Variants in YPEL1 observed in about 807,000 individuals in gnomAD.
YPEL1 encodes the protein yippee like 1, also known as protein yippee-like 1.
YPEL1 carries 7 observed loss-of-function variants against 17.3 expected under a neutral mutation model. The ratio of observed to expected loss-of-function variants is 0.40; its 90% CI spans 0.23 to 0.76. The LOEUF is 0.76. Ranked by LOEUF, YPEL1 falls within the 30% of genes least tolerant of loss-of-function variation. YPEL1 has a pLI of 0.35. For synonymous variants in YPEL1, 59 were observed against 59.6 expected (o/e 0.99, Z 0.05); for missense variants, 91 against 155.5 (o/e 0.59, Z 2.21).
chr22:21,728,296 C>T (rs537384930), intron 1 of YPEL1, among the ~76,000 whole-genome samples: 1 of 152,242 alleles, frequency 6.6e-6, no homozygotes, highest in Admixed American at 6.5e-5. Flanking sequence ...CCTCTCCCAC[C>T]CCTCACTGGC....
At chr22:21,712,324 C>T (rs529776534) in intron 1 of YPEL1, among the ~76,000 whole-genome samples, 10 of 141,704 alleles carry the variant, frequency 7.1e-5, no homozygotes, top group African/African-American at 2.6e-4. Flanking sequence ...TACATATTCT[C>T]TATATATCCA....
chr22:21,705,187 C>G (rs1164772034), intron 2 of YPEL1, among the ~76,000 whole-genome samples: 1 of 152,192 alleles, frequency 6.6e-6, no homozygotes, highest in African/African-American at 2.4e-5. Flanking sequence ...CCATGTTGGC[C>G]AGGCTGGTTT....
In YPEL1 at chr22:21,710,682, G is replaced by A; in HGVS notation, c.63C>T (p.Tyr21=). ...GGTGTGCTCTGCAGTGGATACAGCT[G>A]TACGTTCGGTGACAGTTCGGCAGAT... ...QAYLPNCHRT[Y]SCIHCRAHLA... Residue 21 remains tyrosine (Y), a synonymous_variant, in exon 2 of 5, where the codon TAC becomes TAT. Transcript: ENST00000339468. The A allele has an allele frequency of 6.2e-7, 1 of 1,614,244 alleles. No homozygotes were observed. The highest frequency in any genetic ancestry group is 1.3e-5 in the African/African-American group (1 of 75,060).
intron 1 of YPEL1, among the ~76,000 whole-genome samples, chr22:21,714,036 A>ACCCCCCCCCCCCCCCC (rs201751159): frequency 6.6e-6 from 1 of 150,608 alleles, no homozygotes; most frequent in African/African-American, 2.5e-5. Context: ...CCTGAGATGC[A>ACCCCCCCCCCCCCCCC]CCCCCCACCG....
intron 1 of YPEL1, among the ~76,000 whole-genome samples, chr22:21,722,247 T>G (rs948412519): frequency 6.6e-6 from 1 of 152,102 alleles, no homozygotes; most frequent in Non-Finnish European, 1.5e-5. Flanking sequence ...TGAAACCCCA[T>G]CTCTACTAAA....
intron 2 of YPEL1, among the ~76,000 whole-genome samples, chr22:21,708,134 C>A (rs1203614525): frequency 6.6e-6 from 1 of 151,980 alleles, no homozygotes; most frequent in Non-Finnish European, 1.5e-5. Context: ...CTCAATGAAT[C>A]CTCATCAGAA....
chr22:21,703,237 C>A lies in YPEL1; in HGVS notation c.270+133G>T, dbSNP rs2068082624. 5.2e-6 allele frequency: 4 copies of A among 762,786 alleles called. No homozygotes were observed. In the East Asian group the frequency reaches 1.1e-4, roughly 20 times the overall value. The allele number at this position is 762,786 out of a possible 1,614,324, so 47.3% of individuals were successfully genotyped here. On this transcript the variant is annotated intron_variant, in intron 4 of 4. Coordinates refer to ENST00000339468, the MANE Select transcript of YPEL1 (RefSeq NM_013313.5). This position sits in a 1 kb window ranked among gnomAD's most constrained non-coding sequence, Gnocchi z 6.1. Reference sequence around the variant, plus strand: ...CCTCACTGGAGTCTGGACTTCCCACCTCGGCTGAGGAACTGGGGTTTCTGA... The same window carrying A: ...CCTCACTGGAGTCTGGACTTCCCACATCGGCTGAGGAACTGGGGTTTCTGA...
chr22:21,714,982 C>T (rs925012736), intron 1 of YPEL1, among the ~76,000 whole-genome samples: 20 of 152,062 alleles, frequency 1.3e-4, no homozygotes, highest in African/African-American at 4.6e-4. Flanking sequence ...TAAGCCATAT[C>T]GGTCGTGGAA....
Position 21,699,400 on chromosome 22 carries a change from A to C in YPEL1, c.*1729T>G, listed in dbSNP as rs899860620. 45 of 152,396 alleles carry C rather than the reference A, an allele frequency of 3.0e-4. No individual in the cohort carries two copies. The highest frequency in any genetic ancestry group is 1.0e-3 in the African/African-American group (43 of 41,412). 9.4% of individuals were successfully genotyped at this position (152,396 alleles called of 1,614,324 possible). On this transcript the variant is annotated 3_prime_UTR_variant, in exon 5 of 5. Transcript: ENST00000339468. Reference sequence around the variant, plus strand: ...ATGTTGAAAACCAAACTTATCTGGGAGTGGTTTTTGACCTCCATCCTCTGC... The same window carrying C: ...ATGTTGAAAACCAAACTTATCTGGGCGTGGTTTTTGACCTCCATCCTCTGC...
chr22:21,714,195 T>G (rs1369984792), intron 1 of YPEL1, among the ~76,000 whole-genome samples: 1 of 151,986 alleles, frequency 6.6e-6, no homozygotes, highest in African/African-American at 2.4e-5. Context: ...AAGATGTGTG[T>G]GGGCAGAACG....
Position 21,703,199 on chromosome 22 carries a change from T to A in YPEL1, c.270+171A>T, listed in dbSNP as rs2068082326. On this transcript the variant is annotated intron_variant, in intron 4 of 4. Coordinates refer to ENST00000339468, the MANE Select transcript of YPEL1 (RefSeq NM_013313.5). This position sits in a 1 kb window ranked among gnomAD's most constrained non-coding sequence, Gnocchi z 6.1. Reference sequence around the variant, plus strand: ...CACTGTCACCCAGGCTGGAGGGCAGTGGTGAGACCATGCCTCACTGGAGTC... The same window carrying A: ...CACTGTCACCCAGGCTGGAGGGCAGAGGTGAGACCATGCCTCACTGGAGTC... Among the ~76,000 whole-genome samples the A allele has an allele frequency of 6.6e-6, 1 of 152,142 alleles. No individual in the cohort carries two copies. The highest frequency in any genetic ancestry group is 2.1e-4 in the South Asian group (1 of 4,832).
At chr22:21,710,058 G>A (rs79423745) in intron 2 of YPEL1, among the ~76,000 whole-genome samples, 4,309 of 152,146 alleles carry the variant, frequency 0.028, 86 homozygotes, top group Admixed American at 0.044. Context: ...GATGATCAAC[G>A]CCACACACTG....
chr22:21,714,277 G>A (rs1324562808), intron 1 of YPEL1, among the ~76,000 whole-genome samples: 3 of 152,162 alleles, frequency 2.0e-5, no homozygotes, highest in Non-Finnish European at 2.9e-5. Context: ...ACTGGGACCC[G>A]GTCACCACGG....
In YPEL1 at chr22:21,698,229, A is replaced by C. The variant is rs185976908; in HGVS notation, c.*2900T>G. ...GTATTTTGCAGAAGCCCAACAAAAA[A>C]AAAGTGATAAAAGTGTTGTTGGTAT... On this transcript the variant is annotated 3_prime_UTR_variant, in exon 5 of 5. Coordinates refer to ENST00000339468, the MANE Select transcript of YPEL1 (RefSeq NM_013313.5). 1 of 151,228 alleles carries C rather than the reference A, an allele frequency of 6.6e-6. No individual in the cohort carries two copies. Among genetic ancestry groups the C allele is most frequent in the African/African-American group, 2.4e-5 (1 of 41,002 alleles). 9.4% of individuals were successfully genotyped at this position (151,228 alleles called of 1,614,324 possible). A position where few individuals can be genotyped will look rare whatever the true frequency, so the allele number is the denominator to read the frequency against.
chr22:21,707,772 TATC>T (rs1459820420), intron 2 of YPEL1, among the ~76,000 whole-genome samples: 2 of 152,218 alleles, frequency 1.3e-5, no homozygotes, highest in African/African-American at 4.8e-5. Context: ...AGAGCTGTCT[TATC>T]AGAGTTGGCG....
intron 2 of YPEL1, among the ~76,000 whole-genome samples, chr22:21,706,412 G>A (rs2148598080): frequency 6.6e-6 from 1 of 150,948 alleles, no homozygotes; most frequent in African/African-American, 2.4e-5. Context: ...TCCAGACTGG[G>A]CTACCGAGTC....
intron 2 of YPEL1, among the ~76,000 whole-genome samples, chr22:21,704,347 C>T (rs1194480089): frequency 2.0e-5 from 3 of 152,158 alleles, no homozygotes; most frequent in Non-Finnish European, 4.4e-5. Flanking sequence ...CATATTTTCC[C>T]ACTGAAATGT....
At chr22:21,725,597 G>C (rs1196304828) in intron 1 of YPEL1, among the ~76,000 whole-genome samples, 1 of 152,094 alleles carries the variant, frequency 6.6e-6, no homozygotes. Flanking sequence ...AAAAATCACT[G>C]ACTAGTGTCC....
At chr22:21,704,613 C>T (rs1382464532) in intron 2 of YPEL1, among the ~76,000 whole-genome samples, 1 of 148,980 alleles carries the variant, frequency 6.7e-6, no homozygotes, top group African/African-American at 2.5e-5. Flanking sequence ...GCCAAGATTG[C>T]GCCACTGCAC....
Sources: allele counts gnomAD v4.1 joint callset (sites outside exome capture counted in the v4.1 genomes callset), GRCh38; gene constraint gnomAD v4.1.1; non-coding constraint Gnocchi (gnomAD v3.1); transcripts MANE v1.5; gene names NCBI Gene and HGNC (gene_info 2026-07-23, HGNC 2026-07-21).